Variants in KIAA1328 observed in about 807,000 individuals in gnomAD.
KIAA1328 encodes the protein protein hinderin.
A neutral mutation model predicts 68.1 loss-of-function variants in KIAA1328; 52 were observed. The observed-to-expected ratio is 0.76, with a 90% confidence interval of 0.61 to 0.96. The LOEUF is 0.96. Ranked by LOEUF, KIAA1328 falls within the 40% of genes least tolerant of loss-of-function variation. KIAA1328 has a pLI of 0.00. For missense variants in KIAA1328, 641 were observed against 677.6 expected, an observed-to-expected ratio of 0.95 and a Z score of 0.60; for synonymous variants, 232 against 239.4, an observed-to-expected ratio of 0.97 and a Z score of 0.28.
At chr18:37,159,974 A>T (rs931012365) in intron 7 of KIAA1328, among the ~76,000 whole-genome samples, 2 of 151,914 alleles carry the variant, frequency 1.3e-5, no homozygotes, top group Non-Finnish European at 2.9e-5. Context: ...TATTTCCCCA[A>T]CTCCCAGTGT....
chr18:36,922,076 A>G (rs2049949027), intron 5 of KIAA1328, among the ~76,000 whole-genome samples: 1 of 151,618 alleles, frequency 6.6e-6, no homozygotes, highest in East Asian at 1.9e-4. Context: ...TTTTTTTTAA[A>G]CAAAGACAAC....
chr18:36,940,099 A>G (rs1024132355), intron 5 of KIAA1328, among the ~76,000 whole-genome samples: 2 of 152,188 alleles, frequency 1.3e-5, no homozygotes, highest in Non-Finnish European at 2.9e-5. Context: ...CATTCCAGTT[A>G]ATTTCTTATA....
intron 7 of KIAA1328, among the ~76,000 whole-genome samples, chr18:37,148,974 A>G (rs1331320966): frequency 6.6e-6 from 1 of 152,110 alleles, no homozygotes; most frequent in East Asian, 1.9e-4. Context: ...GATAGAAAGA[A>G]TCAATATTGT....
At chr18:36,956,955 A>G (rs1433645644) in intron 5 of KIAA1328, among the ~76,000 whole-genome samples, 1 of 152,120 alleles carries the variant, frequency 6.6e-6, no homozygotes, top group African/African-American at 2.4e-5. Flanking sequence ...CATTTATACT[A>G]TTGTTGTTAT....
chr18:37,084,470 TTTTTTG>T (rs2057040642), intron 7 of KIAA1328: 2 of 260,372 alleles, frequency 7.7e-6, no homozygotes, highest in Non-Finnish European at 1.4e-5. Flanking sequence ...TTCTTTTTTG[TTTTTTG>T]TTTTTTTTTT....
chr18:37,134,887 A>G (rs887252918), intron 7 of KIAA1328, among the ~76,000 whole-genome samples: 6 of 151,966 alleles, frequency 3.9e-5, no homozygotes, highest in African/African-American at 1.2e-4. Context: ...CCCAGTGTCT[A>G]TTACCTTCTT....
At chr18:37,078,785 A>G (rs2056841940) in intron 7 of KIAA1328, among the ~76,000 whole-genome samples, 1 of 151,006 alleles carries the variant, frequency 6.6e-6, no homozygotes, top group South Asian at 2.1e-4. Flanking sequence ...ATGAGATACC[A>G]TCTCACACCA....
intron 6 of KIAA1328, among the ~76,000 whole-genome samples, chr18:36,967,899 G>A (rs1290246838): frequency 6.6e-6 from 1 of 152,022 alleles, no homozygotes; most frequent in African/African-American, 2.4e-5. Context: ...AAGAATGAAA[G>A]GGAATGAAGA....
rs554885730 is a variant in KIAA1328, at chr18:37,191,456, A to C, written c.1523+18375A>C. 3.9e-5 allele frequency among the ~76,000 whole-genome samples: 6 copies of C among 152,288 alleles called. No homozygotes were observed. The South Asian group carries it at 1.2e-3, about 32-fold the overall frequency. ...GTAACTTTAGGTACAGTCTAGTCAC[A>C]TCTTCTATCATATTTGAGTCAGAGG... On this transcript the variant is annotated intron_variant, in intron 9 of 9. Transcript: ENST00000280020.
At chr18:37,088,742 A>G (rs1316512543) in intron 7 of KIAA1328, among the ~76,000 whole-genome samples, 1 of 151,938 alleles carries the variant, frequency 6.6e-6, no homozygotes, top group African/African-American at 2.4e-5. Context: ...ACTATTTCTT[A>G]TTTATTCATG....
intron 7 of KIAA1328, among the ~76,000 whole-genome samples, chr18:37,130,434 A>G (rs545302343): frequency 1.3e-5 from 2 of 152,300 alleles, no homozygotes; most frequent in East Asian, 3.9e-4. Flanking sequence ...GCTGGCCAAC[A>G]TGGTGAAACC....
At chr18:37,207,167 C>T (rs2060231207) in intron 9 of KIAA1328, among the ~76,000 whole-genome samples, 1 of 152,152 alleles carries the variant, frequency 6.6e-6, no homozygotes, top group Non-Finnish European at 1.5e-5. Context: ...AGTCAATTTT[C>T]TCAAAACTTC....
At chr18:36,870,776 C>T (rs2047917520) in intron 4 of KIAA1328, among the ~76,000 whole-genome samples, 1 of 152,226 alleles carries the variant, frequency 6.6e-6, no homozygotes, top group African/African-American at 2.4e-5. Context: ...TTCAAGATCT[C>T]AAGTTGTATT....
At chr18:37,040,341 A>G (rs2055196003) in intron 6 of KIAA1328, among the ~76,000 whole-genome samples, 1 of 152,074 alleles carries the variant, frequency 6.6e-6, no homozygotes, top group Non-Finnish European at 1.5e-5. Flanking sequence ...AATCTGTTTC[A>G]TCTAAGTTGT....
At chr18:36,905,102 T>C (rs2049170338) in intron 5 of KIAA1328, among the ~76,000 whole-genome samples, 1 of 150,022 alleles carries the variant, frequency 6.7e-6, no homozygotes, top group Non-Finnish European at 1.5e-5. Flanking sequence ...TTTATTTATT[T>C]ATTTATTTAT....
At chr18:36,992,143 G>A (rs896434408) in intron 6 of KIAA1328, among the ~76,000 whole-genome samples, 13 of 152,168 alleles carry the variant, frequency 8.5e-5, no homozygotes, top group South Asian at 2.1e-4. Flanking sequence ...AAAGTTCTTC[G>A]TATAGTCTAG....
intron 6 of KIAA1328, among the ~76,000 whole-genome samples, chr18:36,964,263 G>A (rs2051821170): frequency 6.6e-6 from 1 of 152,124 alleles, no homozygotes; most frequent in South Asian, 2.1e-4. Flanking sequence ...TAGAGATGGT[G>A]GGCAAGTATT....
intron 7 of KIAA1328, among the ~76,000 whole-genome samples, chr18:37,076,109 A>C (rs543272485): frequency 6.6e-6 from 1 of 152,240 alleles, no homozygotes; most frequent in Non-Finnish European, 1.5e-5. Context: ...CAAATGTAAA[A>C]GATCAGAAAT....
chr18:37,057,460 C>G (rs2055958720), intron 6 of KIAA1328, among the ~76,000 whole-genome samples: 1 of 148,712 alleles, frequency 6.7e-6, no homozygotes, highest in South Asian at 2.1e-4. Flanking sequence ...CACAGTCTCA[C>G]TCTGTCGCCC....
Sources: allele counts gnomAD v4.1 joint callset (sites outside exome capture counted in the v4.1 genomes callset), GRCh38; gene constraint gnomAD v4.1.1; transcripts MANE v1.5; gene names NCBI Gene and HGNC (gene_info 2026-07-23, HGNC 2026-07-21).